TRUB1: variants seen among roughly 807,000 people sequenced by gnomAD.
TRUB1 encodes the protein pseudouridylate synthase TRUB1.
In TRUB1, 23 loss-of-function variants were observed where a neutral mutation model predicts 33.9. The observed-to-expected ratio is 0.68, with a 90% CI of 0.49 to 0.96. The LOEUF is 0.96. Ranked by LOEUF, TRUB1 falls within the 40% of genes least tolerant of loss-of-function variation. The probability of loss-of-function intolerance (pLI) is 0.00; values close to 1 mark genes in which losing one functional copy is unlikely to be tolerated. For synonymous variants in TRUB1, 163 were observed against 165.4 expected (o/e 0.99, Z 0.11); for missense variants, 378 against 422.2 (o/e 0.90, Z 0.92).
chr10:114,950,521 G>A (rs567618600), intron 2 of TRUB1, among the ~76,000 whole-genome samples: 1 of 152,324 alleles, frequency 6.6e-6, no homozygotes, highest in South Asian at 2.1e-4. Context: ...TGAAATTTAA[G>A]AGAAAGGTAG....
intron 2 of TRUB1, among the ~76,000 whole-genome samples, chr10:114,950,506 A>G (rs994263205): frequency 6.6e-6 from 1 of 152,202 alleles, no homozygotes; most frequent in Non-Finnish European, 1.5e-5. Flanking sequence ...CGTATGAATA[A>G]TGTTTGAAAT....
At chr10:114,960,784 C>G (rs551015763) in intron 4 of TRUB1, among the ~76,000 whole-genome samples, 2 of 151,952 alleles carry the variant, frequency 1.3e-5, no homozygotes, top group Non-Finnish European at 2.9e-5. Flanking sequence ...TAACTGAAAG[C>G]CAGCTATAAC....
intron 2 of TRUB1, among the ~76,000 whole-genome samples, chr10:114,950,157 C>A (rs1373084457): frequency 6.6e-6 from 1 of 152,140 alleles, no homozygotes; most frequent in Non-Finnish European, 1.5e-5. Flanking sequence ...CTCAACCTCC[C>A]AAAATGCTGG....
At chr10:114,946,046 T>C (rs989142167) in intron 2 of TRUB1, among the ~76,000 whole-genome samples, 1 of 152,222 alleles carries the variant, frequency 6.6e-6, no homozygotes, top group Admixed American at 6.5e-5. Flanking sequence ...ATGTTTGTTG[T>C]CCAAGTTAGC....
intron 1 of TRUB1, among the ~76,000 whole-genome samples, chr10:114,942,219 C>T (rs533251266): frequency 1.1e-3 from 167 of 152,298 alleles, no homozygotes; most frequent in Non-Finnish European, 2.1e-3. Flanking sequence ...CTGGAGATAG[C>T]AGCAAAGACC....
chr10:114,941,540 C>G (rs531687522), intron 1 of TRUB1, among the ~76,000 whole-genome samples: 2 of 151,920 alleles, frequency 1.3e-5, no homozygotes, highest in Non-Finnish European at 2.9e-5. Context: ...ACAGGGTTTC[C>G]CTGTGTTGCC....
chr10:114,968,979 CT>C (rs2084322830), intron 4 of TRUB1, among the ~76,000 whole-genome samples: 1 of 151,888 alleles, frequency 6.6e-6, no homozygotes, highest in African/African-American at 2.4e-5. Flanking sequence ...TGGCTGTGAA[CT>C]AAACAGATTA....
intron 1 of TRUB1, among the ~76,000 whole-genome samples, chr10:114,938,755 G>A (rs1228226015): frequency 6.6e-6 from 1 of 152,152 alleles, no homozygotes; most frequent in Non-Finnish European, 1.5e-5. Flanking sequence ...TTCTCAACGG[G>A]AGGAAAAAAA....
At chr10:114,967,753 T>A (rs950040389) in intron 4 of TRUB1, among the ~76,000 whole-genome samples, 3 of 152,220 alleles carry the variant, frequency 2.0e-5, no homozygotes, top group Non-Finnish European at 4.4e-5. Flanking sequence ...GTACAGTCTT[T>A]ATACTTATGT....
chr10:114,971,414 TTTAGTATTTATTTTGTATTTAA>T (rs2143029761), intron 5 of TRUB1, among the ~76,000 whole-genome samples: 1 of 152,284 alleles, frequency 6.6e-6, no homozygotes, highest in Non-Finnish European at 1.5e-5. Flanking sequence ...TTTTTTAGAA[TTTAGTATTTATTTTGTATTTAA>T]AATCTTGAGT....
chr10:114,959,356 G>C (rs1017395406), intron 3 of TRUB1, among the ~76,000 whole-genome samples: 1 of 152,146 alleles, frequency 6.6e-6, no homozygotes, highest in African/African-American at 2.4e-5. Flanking sequence ...TGACCATGGA[G>C]TCAAGGCTAT....
At chr10:114,947,080 G>A (rs768022373) in intron 2 of TRUB1, among the ~76,000 whole-genome samples, 1 of 152,124 alleles carries the variant, frequency 6.6e-6, no homozygotes, top group Non-Finnish European at 1.5e-5. Context: ...AGGAGATGTG[G>A]CAGTGGAAGC....
chr10:114,941,174 A>G (rs546084194), intron 1 of TRUB1, among the ~76,000 whole-genome samples: 5 of 152,250 alleles, frequency 3.3e-5, no homozygotes, highest in South Asian at 4.2e-4. Context: ...GTATAGATCA[A>G]TGTAGCAGTT....
chr10:114,945,904 G>A (rs987738745), intron 2 of TRUB1, among the ~76,000 whole-genome samples: 1 of 152,142 alleles, frequency 6.6e-6, no homozygotes, highest in Non-Finnish European at 1.5e-5. Context: ...ATTTATATTT[G>A]ATCACACAGG....
intron 2 of TRUB1, among the ~76,000 whole-genome samples, chr10:114,950,880 G>A (rs1343710055): frequency 6.6e-6 from 1 of 152,108 alleles, no homozygotes; most frequent in Non-Finnish European, 1.5e-5. Context: ...TGAGAATGGG[G>A]AGAAAGGTCT....
At chr10:114,973,288 A>T (rs1207451717) in intron 6 of TRUB1, among the ~76,000 whole-genome samples, 1 of 152,228 alleles carries the variant, frequency 6.6e-6, no homozygotes, top group Non-Finnish European at 1.5e-5. Flanking sequence ...TCTCTATGAA[A>T]GCAAGAAAAA....
intron 2 of TRUB1, among the ~76,000 whole-genome samples, chr10:114,947,834 A>G (rs1264642326): frequency 6.6e-6 from 1 of 152,188 alleles, no homozygotes; most frequent in Non-Finnish European, 1.5e-5. Flanking sequence ...GTCTTTATAG[A>G]TAGAACTTTT....
intron 3 of TRUB1, among the ~76,000 whole-genome samples, chr10:114,955,470 T>C (rs959708032): frequency 6.6e-6 from 1 of 152,168 alleles, no homozygotes; most frequent in Non-Finnish European, 1.5e-5. Context: ...TGTCCAGATA[T>C]AAAGGTACCT....
chr10:114,948,541 G>A (rs1000961749), intron 2 of TRUB1, among the ~76,000 whole-genome samples: 8 of 152,064 alleles, frequency 5.3e-5, no homozygotes, highest in African/African-American at 1.7e-4. Context: ...AATTCTGTCC[G>A]GGAAACTAAC....
Sources: allele counts gnomAD v4.1 joint callset (sites outside exome capture counted in the v4.1 genomes callset), GRCh38; gene constraint gnomAD v4.1.1; transcripts MANE v1.5; gene names NCBI Gene and HGNC (gene_info 2026-07-23, HGNC 2026-07-21).